ANXA9: variants seen among roughly 807,000 people sequenced by gnomAD.
ANXA9 encodes annexin A9.
ANXA9 carries 47 observed loss-of-function variants against 51.8 expected under a neutral mutation model. The ratio of observed to expected loss-of-function variants is 0.91; its 90% CI spans 0.72 to 1.16. The LOEUF (loss-of-function observed/expected upper bound fraction) is 1.16, where lower values mean the gene tolerates loss of function less well. Ranked by LOEUF, ANXA9 falls within the 50% of genes most tolerant of loss-of-function variation. ANXA9 has a pLI of 0.00. For missense variants in ANXA9, 361 were observed against 424.7 expected (o/e 0.85, Z 1.32); for synonymous variants, 154 against 168.7 (o/e 0.91, Z 0.68).
At position 150,984,567 on chromosome 1, in the gene ANXA9, G is replaced by A. The variant is rs759003848; in HGVS notation, c.382-19G>A. ...TAATGACACGGCCAGTCTGAGAGTA[G>A]ACTCCCAATTTCTTGTAGGCCTCAG... On this transcript the variant is annotated intron_variant, in intron 6 of 13. Coordinates refer to ENST00000368947, the MANE Select transcript of ANXA9 (RefSeq NM_003568.3). 9.9e-6 allele frequency: 16 copies of A among 1,610,402 alleles called. No individual in the cohort carries two copies. Among genetic ancestry groups the A allele is most frequent in the Non-Finnish European group, 9.3e-6 (11 of 1,176,954 alleles).
intron 12 of ANXA9, among the ~76,000 whole-genome samples, chr1:150,992,016 C>T (rs902935649): frequency 1.3e-5 from 2 of 152,134 alleles, no homozygotes; most frequent in African/African-American, 4.8e-5. Flanking sequence ...ATCCACCAGC[C>T]TCAGTCTTCC....
In ANXA9 at chr1:150,995,439, T is replaced by G; in HGVS notation, c.*117T>G. The stretch of plus-strand genomic sequence containing the variant: ...TAACCCCTCACTGAGCACCACATTC[T>G]CTAGCTTCTTGTTGAGGCTGGAACT... On this transcript the variant is annotated 3_prime_UTR_variant, in exon 14 of 14. Transcript: ENST00000368947. The G allele has an allele frequency of 2.3e-6, 2 of 867,856 alleles. No individual in the cohort carries two copies. The highest frequency in any genetic ancestry group is 3.8e-5 in the South Asian group (2 of 52,352). The allele number at this position is 867,856 out of a possible 1,614,324, so 53.8% of individuals were successfully genotyped here.
At chr1:150,990,084 G>T (rs1671659857) in intron 12 of ANXA9, among the ~76,000 whole-genome samples, 1 of 151,966 alleles carries the variant, frequency 6.6e-6, no homozygotes, top group Non-Finnish European at 1.5e-5. Context: ...TAAGGTGGGA[G>T]GATCGCTTGA....
Position 150,982,502 on chromosome 1 carries a change from C to A in ANXA9, c.-98C>A, listed in dbSNP as rs587714742. ...TTCTGTCCAGGCATCCACGTACTTG[C>A]AAGAACTCTTGCTCACATCAGCTAA... is the stretch of plus-strand genomic sequence containing the variant. On this transcript the variant is annotated 5_prime_UTR_variant, in exon 2 of 14. Coordinates refer to ENST00000368947, the MANE Select transcript of ANXA9 (RefSeq NM_003568.3). 1 of 152,398 alleles carries A rather than the reference C, an allele frequency of 6.6e-6. No homozygotes were observed. Among genetic ancestry groups the A allele is most frequent in the East Asian group, 1.9e-4 (1 of 5,206 alleles). The allele number at this position is 152,398 out of a possible 1,614,324, so 9.4% of individuals were successfully genotyped here.
At position 150,984,639 on chromosome 1, in the gene ANXA9, A is replaced by G; in HGVS notation, c.435A>G (p.Pro145=). The G allele has an allele frequency of 6.2e-7, 1 of 1,613,708 alleles. No homozygotes were observed. The change falls in exon 7 of 14, where the codon CCA becomes CCG. Residue 145 remains proline (P), a synonymous_variant. Coordinates refer to ENST00000368947, the MANE Select transcript of ANXA9 (RefSeq NM_003568.3). Reference sequence around the variant, plus strand: ...TTGAAATTCTTGCCACTCGAACCCCACCCCAGCTGCAGGAGTGCCTGGCAG... The same window carrying G: ...TTGAAATTCTTGCCACTCGAACCCCGCCCCAGCTGCAGGAGTGCCTGGCAG... The part of the protein sequence containing the change: ...VAIEILATRT[P]PQLQECLAVY...
Position 150,983,967 on chromosome 1 carries a change from C to T in ANXA9, c.173-8C>T, listed in dbSNP as rs781736223. On this transcript the variant is annotated splice_polypyrimidine_tract_variant and splice_region_variant and intron_variant, in intron 4 of 13. Transcript: ENST00000368947. Reference sequence around the variant, plus strand: ...CCTGCTCACAGCACAGCCCTCATCTCGGTTCAGGCGTGGACCGCAGTGCCA... The same window carrying T: ...CCTGCTCACAGCACAGCCCTCATCTTGGTTCAGGCGTGGACCGCAGTGCCA... 58 of 1,610,896 alleles carry T rather than the reference C, an allele frequency of 3.6e-5. No homozygotes were observed. Among genetic ancestry groups the T allele is most frequent in the Middle Eastern group, 1.7e-4 (1 of 6,054 alleles).
intron 10 of ANXA9, 67 bp from the exon 11 acceptor site, chr1:150,988,024 G>A: frequency 6.2e-7 from 1 of 1,613,626 alleles, no homozygotes; most frequent in Admixed American, 1.7e-5. Flanking sequence ...AAGGTGGGGA[G>A]GGCCCATCCT....
In ANXA9 at chr1:150,994,682, C is replaced by G. The variant is rs762128814; in HGVS notation, c.958C>G (p.Leu320Val). ...GTTCAGGAAGAAATTTGGGAAGTCC[C>G]TCTACTCTTCTCTCCAGGTGAAACT... Reference protein sequence around the residue: ...AEFRKKFGKSLYSSLQDAVKG... With the variant: ...AEFRKKFGKSVYSSLQDAVKG... The change falls in exon 13 of 14, where the codon CTC (leucine) becomes GTC (valine). Residue 320 changes from leucine (L) to valine (V), a missense_variant. Physicochemically the swap from Leu to Val is conservative, Grantham distance 32. Coordinates refer to ENST00000368947, the MANE Select transcript of ANXA9 (RefSeq NM_003568.3). 3 of 1,613,994 alleles carry G rather than the reference C, an allele frequency of 1.9e-6. No homozygotes were observed. The highest frequency in any genetic ancestry group is 2.7e-5 in the African/African-American group (2 of 75,028).
chr1:150,993,497 C>CG (rs1011852584), intron 12 of ANXA9, among the ~76,000 whole-genome samples: 1 of 151,440 alleles, frequency 6.6e-6, no homozygotes, highest in Non-Finnish European at 1.5e-5. Context: ...TTAATAGAGA[C>CG]GGGGGTTTCA....
chr1:150,990,151 TAAG>T (rs886606711), intron 12 of ANXA9, among the ~76,000 whole-genome samples: 6 of 150,824 alleles, frequency 4.0e-5, no homozygotes, highest in African/African-American at 1.5e-4. Flanking sequence ...TCTACAAAAA[TAAG>T]AAGAAAATTT....
chr1:150,995,253 T>G lies in ANXA9; in HGVS notation c.976-7T>G. 1 of 1,609,346 alleles carries G rather than the reference T, an allele frequency of 6.2e-7. No homozygotes were observed. The highest frequency in any genetic ancestry group is 8.5e-7 in the Non-Finnish European group (1 of 1,177,544). ...ATCTTTCTAACACTGAATTCCCTTG[T>G]CTGCAGGATGCAGTGAAAGGGGATT... On this transcript the variant is annotated splice_polypyrimidine_tract_variant and splice_region_variant and intron_variant, in intron 13 of 13. Coordinates refer to ENST00000368947, the MANE Select transcript of ANXA9 (RefSeq NM_003568.3).
intron 13 of ANXA9, 26 bp downstream of exon 13, chr1:150,994,725 G>A: frequency 6.2e-7 from 1 of 1,612,276 alleles, no homozygotes; most frequent in Non-Finnish European, 8.5e-7. Context: ...TTCTTAGCCT[G>A]GAGCCTCAGG....
upstream of ANXA9, among the ~76,000 whole-genome samples, chr1:150,980,736 T>C (rs1319545679): frequency 6.6e-6 from 1 of 151,650 alleles, no homozygotes; most frequent in Non-Finnish European, 1.5e-5. Flanking sequence ...TGCGCCGCCA[T>C]GCCCGGCTAA....
chr1:150,987,993 A>C, intron 10 of ANXA9, 37 bp downstream of exon 10: 1 of 1,613,812 alleles, frequency 6.2e-7, no homozygotes, highest in Non-Finnish European at 8.5e-7. Flanking sequence ...AGCTTGCTCT[A>C]ATGATCAGTT....
At chr1:150,993,880 C>A (rs12093063) in intron 12 of ANXA9, among the ~76,000 whole-genome samples, 1 of 150,362 alleles carries the variant, frequency 6.7e-6, no homozygotes, top group Non-Finnish European at 1.5e-5. Context: ...ATGATCCACG[C>A]GCCTCATCCT....
chr1:150,977,737 G>A (rs895699607), upstream of ANXA9, among the ~76,000 whole-genome samples: 1 of 152,232 alleles, frequency 6.6e-6, no homozygotes, highest in East Asian at 1.9e-4. Context: ...TGGAGATTCA[G>A]GGGCCAGGAG....
intron 12 of ANXA9, among the ~76,000 whole-genome samples, chr1:150,990,960 A>C (rs187520490): frequency 6.2e-4 from 94 of 152,026 alleles, no homozygotes; most frequent in African/African-American, 2.0e-3. Flanking sequence ...CTGGCTAACA[A>C]GGTAAAACCC....
chr1:150,977,346 C>G (rs1004174374), upstream of ANXA9, among the ~76,000 whole-genome samples: 3 of 152,186 alleles, frequency 2.0e-5, no homozygotes, highest in African/African-American at 7.2e-5. Context: ...TGGGCCTCAG[C>G]CAGCACCGGG....
upstream of ANXA9, among the ~76,000 whole-genome samples, chr1:150,978,913 G>A (rs1196593995): frequency 2.0e-5 from 3 of 151,916 alleles, no homozygotes; most frequent in Non-Finnish European, 4.4e-5. Flanking sequence ...GCAATGAGCC[G>A]AGATCGCGCC....
Sources: allele counts gnomAD v4.1 joint callset (sites outside exome capture counted in the v4.1 genomes callset), GRCh38; gene constraint gnomAD v4.1.1; transcripts MANE v1.5; gene names NCBI Gene and HGNC (gene_info 2026-07-23, HGNC 2026-07-21).